OLFM4: variants seen among roughly 807,000 people sequenced by gnomAD.
OLFM4 encodes the protein olfactomedin 4.
OLFM4 carries 22 observed loss-of-function variants against 25.5 expected under a neutral mutation model. The observed-to-expected ratio is 0.86, with a 90% CI of 0.62 to 1.23. OLFM4 has a LOEUF of 1.23. OLFM4 is among the 50% of genes most tolerant of loss of function. The probability of loss-of-function intolerance (pLI) is 0.00; values close to 1 mark genes in which losing one functional copy is unlikely to be tolerated. For missense variants in OLFM4, 594 were observed against 619.4 expected (o/e 0.96, Z 0.44); for synonymous variants, 255 against 237.7 (o/e 1.07, Z -0.67).
At chr13:53,031,827 T>C (rs1408958998) in intron 1 of OLFM4, among the ~76,000 whole-genome samples, 1 of 152,168 alleles carries the variant, frequency 6.6e-6, no homozygotes, top group East Asian at 1.9e-4. Flanking sequence ...AGGGTCCTAT[T>C]TGCCCTACAG....
intron 1 of OLFM4, among the ~76,000 whole-genome samples, chr13:53,032,628 G>A (rs980539458): frequency 6.6e-6 from 1 of 151,792 alleles, no homozygotes; most frequent in Admixed American, 6.6e-5. Flanking sequence ...CTCCTGAACT[G>A]TTTCCCACGT....
chr13:53,046,193 G>A (rs1214240849), intron 4 of OLFM4, among the ~76,000 whole-genome samples: 5 of 152,016 alleles, frequency 3.3e-5, no homozygotes, highest in Admixed American at 2.6e-4. Context: ...TCTCCTCCTG[G>A]CTCAAACAAA....
chr13:53,029,799 C>T (rs571215208), intron 1 of OLFM4, among the ~76,000 whole-genome samples: 1 of 152,302 alleles, frequency 6.6e-6, no homozygotes, highest in Admixed American at 6.5e-5. Context: ...GAGGCTGGTA[C>T]AGCTAGGCTA....
intron 4 of OLFM4, among the ~76,000 whole-genome samples, chr13:53,047,882 A>G (rs1035070777): frequency 2.0e-5 from 3 of 152,054 alleles, no homozygotes; most frequent in Non-Finnish European, 4.4e-5. Context: ...TGCATCATCA[A>G]TTTTCCTTAA....
In OLFM4 at chr13:53,028,865, C is replaced by T; in HGVS notation, c.29C>T (p.Ala10Val). Residue 10 changes from alanine to valine, a missense_variant, in exon 1 of 5, where the codon GCC becomes GTC. By Grantham distance (64) the Ala-to-Val change is moderately conservative. Transcript: ENST00000219022. ...AGGCCCGGCCTCTCATTTCTCCTAG[C>T]CCTTCTGTTCTTCCTTGGCCAAGCT... The part of the protein sequence containing the change: MRPGLSFLL[A>V]LLFFLGQAAG... The T allele has an allele frequency of 6.2e-7, 1 of 1,614,204 alleles. No individual in the cohort carries two copies. Among genetic ancestry groups the T allele is most frequent in the Middle Eastern group, 1.6e-4 (1 of 6,062 alleles).
intron 2 of OLFM4, among the ~76,000 whole-genome samples, chr13:53,040,555 G>A (rs937696261): frequency 2.0e-5 from 3 of 152,236 alleles, no homozygotes; most frequent in African/African-American, 7.2e-5. Context: ...TGGAAGGAGG[G>A]TGGTGTTGGC....
Position 53,034,531 on chromosome 13 carries a change from A to T in OLFM4, c.357+31A>T, listed in dbSNP as rs751059242. 23 of 1,566,988 alleles carry T rather than the reference A, an allele frequency of 1.5e-5. No homozygotes were observed. In the African/African-American group the frequency reaches 3.0e-4, roughly 20 times the overall value. ...CATTTTCTTTTCAAACAATATCTTG[A>T]TAAAGAGAAACAAAACAAAATGTGT... On this transcript the variant is annotated intron_variant, in intron 2 of 4. Transcript: ENST00000219022.
chr13:53,030,203 G>T (rs2138229260), intron 1 of OLFM4, among the ~76,000 whole-genome samples: 1 of 152,294 alleles, frequency 6.6e-6, no homozygotes, highest in African/African-American at 2.4e-5. Context: ...AAATGATTTG[G>T]ATAGGGCCTA....
chr13:53,033,756 A>AAT, intron 1 of OLFM4, among the ~76,000 whole-genome samples: 1 of 152,274 alleles, frequency 6.6e-6, no homozygotes, highest in Non-Finnish European at 1.5e-5. Flanking sequence ...AGATAGGAAT[A>AAT]ATCTCCTTTA....
chr13:53,034,569 T>C, intron 2 of OLFM4, 69 bp downstream of exon 2: 1 of 1,365,548 alleles, frequency 7.3e-7, no homozygotes, highest in Non-Finnish European at 1.0e-6. Context: ...TAATTTAGGA[T>C]TTTATAAGCA....
intron 4 of OLFM4, among the ~76,000 whole-genome samples, chr13:53,043,710 CCTT>C (rs58103500): frequency 0.11 from 16,413 of 152,048 alleles, 1,330 homozygotes; most frequent in African/African-American, 0.23. Flanking sequence ...TTCTCTCTCT[CCTT>C]CTGTTTCTCT....
intron 4 of OLFM4, among the ~76,000 whole-genome samples, chr13:53,048,552 G>A (rs1217709042): frequency 2.0e-5 from 3 of 152,168 alleles, no homozygotes; most frequent in Non-Finnish European, 2.9e-5. Context: ...GATGGGGAGG[G>A]AAAGCATTTA....
Position 53,043,092 on chromosome 13 carries a change from T to C in OLFM4, c.571-13T>C. Reference sequence around the variant, plus strand: ...CCATAATATAAAGTCACTCTGAATTTTTATTTCCTTAGATAAGAAATATGA... The same window carrying C: ...CCATAATATAAAGTCACTCTGAATTCTTATTTCCTTAGATAAGAAATATGA... On this transcript the variant is annotated splice_polypyrimidine_tract_variant and intron_variant, in intron 3 of 4. Coordinates refer to ENST00000219022, the MANE Select transcript of OLFM4 (RefSeq NM_006418.5). 6.4e-7 allele frequency: 1 copy of C among 1,571,592 alleles called. No homozygotes were observed. Among genetic ancestry groups the C allele is most frequent in the Non-Finnish European group, 8.6e-7 (1 of 1,162,042 alleles).
chr13:53,040,473 A>G (rs550947685), intron 2 of OLFM4, among the ~76,000 whole-genome samples: 6 of 152,374 alleles, frequency 3.9e-5, no homozygotes, highest in Admixed American at 2.0e-4. Context: ...TATGGCGATC[A>G]AAGAAGGAAT....
At chr13:53,048,060 G>C (rs764999825) in intron 4 of OLFM4, among the ~76,000 whole-genome samples, 3 of 152,196 alleles carry the variant, frequency 2.0e-5, no homozygotes, top group Non-Finnish European at 4.4e-5. Flanking sequence ...AGAAAATCCA[G>C]TTTGTAGCAT....
rs1471175364 is a variant in OLFM4 at position 53,050,167 on chromosome 13, A to G, written c.929A>G (p.Asp310Gly). 6.2e-7 allele frequency: 1 copy of G among 1,614,002 alleles called. No homozygotes were observed. The highest frequency in any genetic ancestry group is 1.1e-5 in the South Asian group (1 of 91,064). ...TATTATAGACTGTACAACACACTGGATGATTTGCTATTGTATATAAATGCT... is the reference window on the plus strand; with the variant it reads ...TATTATAGACTGTACAACACACTGGGTGATTTGCTATTGTATATAAATGCT... ...LEYYRLYNTL[D>G]DLLLYINARE... The change falls in exon 5 of 5, where the codon GAT (aspartate) becomes GGT (glycine). Residue 310 changes from aspartate (D) to glycine (G), a missense_variant. By Grantham distance (94) the Asp-to-Gly change is moderately conservative (BLOSUM62 -1). Coordinates refer to ENST00000219022, the MANE Select transcript of OLFM4 (RefSeq NM_006418.5).
In OLFM4 at chr13:53,050,183, T is replaced by C; in HGVS notation, c.945T>C (p.Tyr315=). 2 of 1,614,022 alleles carry C rather than the reference T, an allele frequency of 1.2e-6. No homozygotes were observed. Among genetic ancestry groups the C allele is most frequent in the Non-Finnish European group, 1.7e-6 (2 of 1,179,956 alleles). ...LYNTLDDLLL[Y]INARELRITY... Reference sequence around the variant, plus strand: ...ACACACTGGATGATTTGCTATTGTATATAAATGCTCGAGAGTTGCGGATCA... The same window carrying C: ...ACACACTGGATGATTTGCTATTGTACATAAATGCTCGAGAGTTGCGGATCA... The change falls in exon 5 of 5, where the codon TAT becomes TAC. Residue 315 remains tyrosine (Y), a synonymous_variant. Coordinates refer to ENST00000219022, the MANE Select transcript of OLFM4 (RefSeq NM_006418.5).
intron 1 of OLFM4, among the ~76,000 whole-genome samples, chr13:53,032,680 A>G (rs1936388): frequency 0.051 from 7,747 of 152,104 alleles, 671 homozygotes; most frequent in African/African-American, 0.17. Flanking sequence ...AAGGTAATAA[A>G]TTTTGACTAA....
intron 4 of OLFM4, among the ~76,000 whole-genome samples, chr13:53,048,871 GT>G (rs1263141691): frequency 3.3e-5 from 5 of 152,276 alleles, no homozygotes; most frequent in East Asian, 1.9e-4. Context: ...CATCTCATGA[GT>G]TTTTTTGAGT....
Sources: allele counts gnomAD v4.1 joint callset (sites outside exome capture counted in the v4.1 genomes callset), GRCh38; gene constraint gnomAD v4.1.1; transcripts MANE v1.5; gene names NCBI Gene and HGNC (gene_info 2026-07-23, HGNC 2026-07-21).